FAM135B: variants seen among roughly 807,000 people sequenced by gnomAD.
FAM135B encodes the protein protein FAM135B.
FAM135B carries 43 observed loss-of-function variants against 127.7 expected under a neutral mutation model. That is an observed-to-expected ratio of 0.34 (90% confidence interval 0.26 to 0.43). The LOEUF (loss-of-function observed/expected upper bound fraction) is 0.43, where lower values mean the gene tolerates loss of function less well. Among genes scored for constraint, FAM135B ranks in the 20% least tolerant of loss-of-function variants. The pLI is 1.00. For synonymous variants in FAM135B, 670 were observed against 665.1 expected (o/e 1.01, Z -0.11); for missense variants, 1,558 against 1,725.6 (o/e 0.90, Z 1.72).
chr8:138,286,382 T>C (rs371052444), intron 3 of FAM135B, among the ~76,000 whole-genome samples: 9 of 152,310 alleles, frequency 5.9e-5, no homozygotes, highest in African/African-American at 1.7e-4. Flanking sequence ...AGAAGACATA[T>C]GCAGATGTTT....
chr8:138,216,304 T>C (rs919743957), intron 7 of FAM135B, among the ~76,000 whole-genome samples: 6 of 152,214 alleles, frequency 3.9e-5, no homozygotes, highest in African/African-American at 1.4e-4. Flanking sequence ...TGATCAATTC[T>C]GAGATAAGCT....
chr8:138,217,318 A>G (rs1818622506), intron 7 of FAM135B, among the ~76,000 whole-genome samples: 1 of 152,216 alleles, frequency 6.6e-6, no homozygotes, highest in Non-Finnish European at 1.5e-5. Flanking sequence ...TCTTAGCTTA[A>G]GAGTGGGAAG....
intron 4 of FAM135B, among the ~76,000 whole-genome samples, chr8:138,262,153 C>T (rs1343331840): frequency 6.6e-6 from 1 of 152,168 alleles, no homozygotes; most frequent in Non-Finnish European, 1.5e-5. Context: ...AACTTGAGAA[C>T]TAAGGCTGGC....
intron 1 of FAM135B, among the ~76,000 whole-genome samples, chr8:138,467,997 G>GA (rs1239286341): frequency 6.6e-5 from 10 of 152,092 alleles, no homozygotes; most frequent in Admixed American, 1.3e-4. Context: ...AAATGATCTA[G>GA]AAAAATATGC....
At position 138,141,211 on chromosome 8, in the gene FAM135B, G is replaced by T. The variant is rs747163573; in HGVS notation, c.3777C>A (p.Thr1259=). 6 of 1,613,970 alleles carry T rather than the reference G, an allele frequency of 3.7e-6. No homozygotes were observed. The East Asian group carries it at 1.3e-4, about 36-fold the overall frequency. ...PHLGTLYNNS[T]LVSTGLWLMQ... ...GAAGAATCTTACCTGTACTAACCAGGGTGCTGTTGTTGTACAGGGTTCCCA... is the reference window on the plus strand; with the variant it reads ...GAAGAATCTTACCTGTACTAACCAGTGTGCTGTTGTTGTACAGGGTTCCCA... The change falls in exon 17 of 20, where the codon ACC becomes ACA. Residue 1259 remains threonine (T), a synonymous_variant. Coordinates refer to ENST00000395297, the MANE Select transcript of FAM135B (RefSeq NM_015912.4). The surrounding 1 kb of genome is among the most constrained non-coding windows in gnomAD (Gnocchi z 4.7).
Position 138,168,004 on chromosome 8 carries a change from C to T in FAM135B, c.1149G>A (p.Glu383=). Reference sequence around the variant, plus strand: ...GCAGCGGGGGCATGCTAGTGAGGTACTCCGAGTTCCGGATATCCAGGGACA... The same window carrying T: ...GCAGCGGGGGCATGCTAGTGAGGTATTCCGAGTTCCGGATATCCAGGGACA... The part of the protein sequence containing the change: ...SQLSLDIRNS[E]YLTSMPPLPA... Residue 383 remains glutamate, a synonymous_variant, in exon 12 of 20, where the codon GAG becomes GAA. Coordinates refer to ENST00000395297, the MANE Select transcript of FAM135B (RefSeq NM_015912.4). 2.5e-6 allele frequency: 4 copies of T among 1,613,932 alleles called. No individual in the cohort carries two copies. Among genetic ancestry groups the T allele is most frequent in the Non-Finnish European group, 3.4e-6 (4 of 1,179,884 alleles).
rs2130786971 is a variant in FAM135B, at chr8:138,152,957, T to C, written c.1518A>G (p.Glu506=). The change falls in exon 13 of 20, where the codon GAA becomes GAG. Residue 506 remains glutamate, a synonymous_variant. Transcript: ENST00000395297. ...CAGGCACACCTGCTTTGTTTTGAAATTCACCAATTGATATATACACCTGAG... is the reference window on the plus strand; with the variant it reads ...CAGGCACACCTGCTTTGTTTTGAAACTCACCAATTGATATATACACCTGAG... ...SESQVYISIG[E]FQNKAGVPED... 1 of 1,614,206 alleles carries C rather than the reference T, an allele frequency of 6.2e-7. No individual in the cohort carries two copies. The highest frequency in any genetic ancestry group is 1.1e-5 in the South Asian group (1 of 91,088).
chr8:138,237,033 G>T (rs1407393321), intron 7 of FAM135B, among the ~76,000 whole-genome samples: 3 of 152,254 alleles, frequency 2.0e-5, no homozygotes, highest in Non-Finnish European at 4.4e-5. Flanking sequence ...CCACCAGGCT[G>T]CCATTCCTCC....
chr8:138,288,669 G>C (rs2130784132), intron 3 of FAM135B, among the ~76,000 whole-genome samples: 1 of 152,276 alleles, frequency 6.6e-6, no homozygotes, highest in African/African-American at 2.4e-5. Flanking sequence ...GGCTGGAGAA[G>C]CCTTGTCAGC....
At chr8:138,368,037 CACA>C (rs1185407728) in intron 1 of FAM135B, 35 bp from the exon 2 acceptor site, 1 of 1,452,462 alleles carries the variant, frequency 6.9e-7, no homozygotes, top group African/African-American at 1.4e-5. Context: ...AGTTTGAGAT[CACA>C]TCAGCCACTC....
intron 1 of FAM135B, among the ~76,000 whole-genome samples, chr8:138,481,964 T>TGGA (rs1403913942): frequency 6.6e-6 from 1 of 152,156 alleles, no homozygotes; most frequent in African/African-American, 2.4e-5. Flanking sequence ...TGGCCTCCCC[T>TGGA]GGAGGAGTTC....
rs144808427 is a variant in FAM135B, at chr8:138,349,584, T to A, written c.77+18323A>T. Among the ~76,000 whole-genome samples, 26 of 152,296 alleles carry A rather than the reference T, an allele frequency of 1.7e-4. No individual in the cohort carries two copies. The East Asian group carries it at 3.1e-3, about 18-fold the overall frequency. ...TCTTTCTTTCTTAAATTCCCCAACATTTGACATACGGCTGGCCACAAATGA... is the reference window on the plus strand; with the variant it reads ...TCTTTCTTTCTTAAATTCCCCAACAATTGACATACGGCTGGCCACAAATGA... On this transcript the variant is annotated intron_variant, in intron 2 of 19. Transcript: ENST00000395297.
chr8:138,467,304 G>GT (rs1485675170), intron 1 of FAM135B, among the ~76,000 whole-genome samples: 7 of 152,148 alleles, frequency 4.6e-5, no homozygotes, highest in Non-Finnish European at 1.0e-4. Flanking sequence ...CGGAGGCATA[G>GT]TTGCTGGACT....
At chr8:138,217,663 C>T (rs1268118117) in intron 7 of FAM135B, among the ~76,000 whole-genome samples, 1 of 152,078 alleles carries the variant, frequency 6.6e-6, no homozygotes, top group African/African-American at 2.4e-5. Flanking sequence ...AATCTCCTGA[C>T]CTTGTGATCC....
At chr8:138,269,887 AG>A (rs1212561974) in intron 3 of FAM135B, among the ~76,000 whole-genome samples, 1 of 152,240 alleles carries the variant, frequency 6.6e-6, no homozygotes, top group Non-Finnish European at 1.5e-5. Context: ...AAGACTCTTC[AG>A]GTAGGGTGAA....
At chr8:138,204,645 C>G (rs1259808257) in intron 7 of FAM135B, among the ~76,000 whole-genome samples, 1 of 152,140 alleles carries the variant, frequency 6.6e-6, no homozygotes, top group African/African-American at 2.4e-5. Flanking sequence ...AACATTCACA[C>G]AATTTTGGGA....
intron 1 of FAM135B, among the ~76,000 whole-genome samples, chr8:138,494,572 C>A (rs537426189): frequency 5.3e-5 from 8 of 152,270 alleles, no homozygotes; most frequent in African/African-American, 1.9e-4. Context: ...TAGGCAGGGA[C>A]ACCACCATGA....
intron 3 of FAM135B, among the ~76,000 whole-genome samples, chr8:138,308,241 C>T (rs1358013467): frequency 3.3e-5 from 5 of 152,210 alleles, no homozygotes; most frequent in African/African-American, 1.2e-4. Context: ...TGCAGCCACT[C>T]CAACCAAGGG....
At chr8:138,381,113 C>T (rs1032882118) in intron 1 of FAM135B, among the ~76,000 whole-genome samples, 1 of 152,102 alleles carries the variant, frequency 6.6e-6, no homozygotes, top group African/African-American at 2.4e-5. Flanking sequence ...ACAGACCCAG[C>T]CCTCTTTCAA....
Sources: allele counts gnomAD v4.1 joint callset (sites outside exome capture counted in the v4.1 genomes callset), GRCh38; gene constraint gnomAD v4.1.1; non-coding constraint Gnocchi (gnomAD v3.1); transcripts MANE v1.5; gene names NCBI Gene and HGNC (gene_info 2026-07-23, HGNC 2026-07-21).